Variants in FAT4 observed in about 807,000 individuals in gnomAD.
The protein encoded by FAT4 is FAT atypical cadherin 4.
In FAT4, 84 loss-of-function variants were observed where a neutral mutation model predicts 303.9. That is an observed-to-expected ratio of 0.28 (90% confidence interval 0.23 to 0.33). The LOEUF is 0.33. FAT4 is among the 10% of genes least tolerant of loss of function. The pLI is 1.00. For synonymous variants in FAT4, 2,307 were observed against 2,298.8 expected (o/e 1.00, Z -0.10); for missense variants, 6,005 against 6,146.8 (o/e 0.98, Z 0.77).
Position 125,341,500 on chromosome 4 carries a change from T to A in FAT4, c.5175+19914T>A, listed in dbSNP as rs574346775. Among the ~76,000 whole-genome samples, 33 of 152,212 alleles carry A rather than the reference T, an allele frequency of 2.2e-4. No individual in the cohort carries two copies. In the South Asian group the frequency reaches 5.2e-3, roughly 24 times the overall value. On this transcript the variant is annotated intron_variant, in intron 2 of 17. Coordinates refer to ENST00000394329, the MANE Select transcript of FAT4 (RefSeq NM_001291303.3). ...TGAGGGGTATAGTAATGTCCATTTG[T>A]AATAAAAATGATTAATGAAAAATAG...
rs940002294 is a variant in FAT4 at position 125,448,822 on chromosome 4, T to C, written c.7812T>C (p.Tyr2604=). ...SSLRGEPMSY[Y]IASGNLGNTF... ...TAAGAGGAGAACCTATGTCATATTA[T>C]ATCGCAAGTGGGAATCTTGGCAATA... The change falls in exon 10 of 18, where the codon TAT becomes TAC. Residue 2604 remains tyrosine, a synonymous_variant. Transcript: ENST00000394329. The C allele has an allele frequency of 6.2e-7, 1 of 1,609,102 alleles. No individual in the cohort carries two copies. The highest frequency in any genetic ancestry group is 8.5e-7 in the Non-Finnish European group (1 of 1,179,826).
rs190392578 is a variant in FAT4, at chr4:125,477,312, G to A, written c.12457G>A (p.Ala4153Thr). ...GCCTCTGGAACCCAGCCAAGCTTTG[G>A]CAGCACAAGGCATCCTAGATCAGTA... ...GRPLEPSQAL[A>T]AQGILDQCPR... Residue 4153 changes from alanine (A) to threonine (T), a missense_variant, in exon 14 of 18, where the codon GCA becomes ACA. Transcript: ENST00000394329. 1 of 1,581,480 alleles carries A rather than the reference G, an allele frequency of 6.3e-7. No individual in the cohort carries two copies. Among genetic ancestry groups the A allele is most frequent in the East Asian group, 2.3e-5 (1 of 43,180 alleles).
chr4:125,482,694 A>G (rs1320819039), intron 16 of FAT4, among the ~76,000 whole-genome samples: 2 of 152,212 alleles, frequency 1.3e-5, no homozygotes, highest in African/African-American at 4.8e-5. Flanking sequence ...TAGTTCACAG[A>G]GAAAAAGAGC....
At chr4:125,416,990 G>A (rs920936333) in intron 7 of FAT4, among the ~76,000 whole-genome samples, 5 of 152,056 alleles carry the variant, frequency 3.3e-5, no homozygotes, top group Non-Finnish European at 7.4e-5. Flanking sequence ...TTCATAATAT[G>A]AGTATGAAGT....
intron 2 of FAT4, among the ~76,000 whole-genome samples, chr4:125,338,064 G>T (rs17009473): frequency 0.056 from 8,514 of 152,148 alleles, 245 homozygotes; most frequent in East Asian, 0.07. Flanking sequence ...AGACAAGATT[G>T]CCAGGATATA....
At chr4:125,426,477 A>G (rs1725091316) in intron 7 of FAT4, among the ~76,000 whole-genome samples, 1 of 152,022 alleles carries the variant, frequency 6.6e-6, no homozygotes, top group Non-Finnish European at 1.5e-5. Flanking sequence ...TCCAAAGTTG[A>G]TAACTGGTTA....
At chr4:125,404,625 A>G (rs1458254669) in intron 3 of FAT4, among the ~76,000 whole-genome samples, 2 of 152,272 alleles carry the variant, frequency 1.3e-5, no homozygotes, top group East Asian at 1.9e-4. Context: ...CTAAATGTAC[A>G]ATACAGTATT....
chr4:125,416,940 C>T (rs988079524), intron 7 of FAT4, among the ~76,000 whole-genome samples: 3 of 152,078 alleles, frequency 2.0e-5, no homozygotes, highest in African/African-American at 7.2e-5. Context: ...GAACGAAACT[C>T]GTCTCAAAAT....
chr4:125,318,090 A>C lies in FAT4; in HGVS notation c.1679A>C (p.His560Pro). ...ATAAGTGCCCGGGACCAGGGAGTTC[A>C]CCCCAAGGTGTCCTATGCCCAGCTT... ...LNISARDQGV[H>P]PKVSYAQLVV... Residue 560 changes from histidine to proline, a missense_variant, in exon 2 of 18, where the codon CAC (histidine) becomes CCC (proline). Coordinates refer to ENST00000394329, the MANE Select transcript of FAT4 (RefSeq NM_001291303.3). 1 of 1,614,032 alleles carries C rather than the reference A, an allele frequency of 6.2e-7. No individual in the cohort carries two copies. The highest frequency in any genetic ancestry group is 8.5e-7 in the Non-Finnish European group (1 of 1,180,012).
intron 16 of FAT4, among the ~76,000 whole-genome samples, chr4:125,487,088 T>C (rs569597377): frequency 6.6e-6 from 1 of 152,324 alleles, no homozygotes; most frequent in African/African-American, 2.4e-5. Flanking sequence ...TCAATTGTGT[T>C]CTGGAAAATA....
chr4:125,404,657 G>A (rs1734519151), intron 3 of FAT4, among the ~76,000 whole-genome samples: 1 of 152,064 alleles, frequency 6.6e-6, no homozygotes, highest in Non-Finnish European at 1.5e-5. Flanking sequence ...GCACGATGTT[G>A]TACAGTAGAT....
intron 16 of FAT4, 136 bp downstream of exon 16, chr4:125,481,874 T>C: frequency 1.4e-6 from 1 of 715,078 alleles, no homozygotes. Flanking sequence ...ACTATTCCAA[T>C]GTCATCTATC....
chr4:125,406,092 G>A, intron 3 of FAT4, among the ~76,000 whole-genome samples: 1 of 151,966 alleles, frequency 6.6e-6, no homozygotes, highest in African/African-American at 2.4e-5. Context: ...TGAAATAATT[G>A]CCCAGGCTGT....
rs149795799 is a variant in FAT4, at chr4:125,484,564, G to A, written c.12823-2781G>A. Among the ~76,000 whole-genome samples the A allele has an allele frequency of 7.9e-5, 12 of 152,196 alleles. No individual in the cohort carries two copies. The East Asian group carries it at 2.1e-3, about 27-fold the overall frequency. ...TTAAATAAATGAACAAATAAATGCA[G>A]TCATGAGTTGCATAATGACAGGAAT... On this transcript the variant is annotated intron_variant, in intron 16 of 17. Coordinates refer to ENST00000394329, the MANE Select transcript of FAT4 (RefSeq NM_001291303.3).
chr4:125,323,092 A>T (rs1010271445), intron 2 of FAT4, among the ~76,000 whole-genome samples: 4 of 152,156 alleles, frequency 2.6e-5, no homozygotes, highest in Middle Eastern at 3.2e-3. Context: ...AAAATATTTG[A>T]TTAGTTTGAA....
intron 2 of FAT4, among the ~76,000 whole-genome samples, chr4:125,341,120 A>G (rs1452772300): frequency 6.6e-6 from 1 of 152,182 alleles, no homozygotes; most frequent in Non-Finnish European, 1.5e-5. Context: ...TTATTAGTAT[A>G]AGGCAAACTT....
chr4:125,458,098 T>C lies in FAT4; in HGVS notation c.11800+5288T>C, dbSNP rs115994622. Among the ~76,000 whole-genome samples, 1,268 of 152,162 alleles carry C rather than the reference T, an allele frequency of 8.3e-3. 18 individuals carry two copies. The highest frequency in any genetic ancestry group is 0.029 in the African/African-American group (1,217 of 41,556). On this transcript the variant is annotated intron_variant, in intron 10 of 17. Coordinates refer to ENST00000394329, the MANE Select transcript of FAT4 (RefSeq NM_001291303.3). ...ATCTTATAACATAATTAGTTCATAG[T>C]CTCTTTAACCTTTTCCATTCACTTT...
At chr4:125,335,140 G>GT (rs1439563356) in intron 2 of FAT4, among the ~76,000 whole-genome samples, 1 of 152,126 alleles carries the variant, frequency 6.6e-6, no homozygotes, top group East Asian at 1.9e-4. Flanking sequence ...ATAGAAGCTT[G>GT]CCAAAAACAT....
At chr4:125,339,595 TAACA>T (rs1731701711) in intron 2 of FAT4, among the ~76,000 whole-genome samples, 1 of 152,166 alleles carries the variant, frequency 6.6e-6, no homozygotes, top group Non-Finnish European at 1.5e-5. Context: ...CAACTAAAAC[TAACA>T]TTTATTTAAA....
Sources: allele counts gnomAD v4.1 joint callset (sites outside exome capture counted in the v4.1 genomes callset), GRCh38; gene constraint gnomAD v4.1.1; transcripts MANE v1.5; gene names NCBI Gene and HGNC (gene_info 2026-07-23, HGNC 2026-07-21).